The following PDE3B variants were observed in gnomAD, a reference collection of about 807,000 sequenced individuals.
PDE3B encodes cGMP-inhibited 3',5'-cyclic phosphodiesterase 3B.
Under a neutral mutation model 116.8 loss-of-function variants are expected in PDE3B, and 66 were observed. The ratio of observed to expected loss-of-function variants is 0.56; its 90% CI spans 0.46 to 0.69. PDE3B has a LOEUF of 0.69. Among genes scored for constraint, PDE3B ranks in the 30% least tolerant of loss-of-function variants. The pLI is 0.00. For synonymous variants in PDE3B, 595 were observed against 533.6 expected, an observed-to-expected ratio of 1.12 and a Z score of -1.59; for missense variants, 1,384 against 1,368.1, an observed-to-expected ratio of 1.01 and a Z score of -0.18.
At chr11:14,803,032 G>A (rs1858819857) in intron 4 of PDE3B, among the ~76,000 whole-genome samples, 1 of 152,116 alleles carries the variant, frequency 6.6e-6, no homozygotes, top group African/African-American at 2.4e-5. Flanking sequence ...CTATAATGAA[G>A]ATCAACAGTA....
intron 1 of PDE3B, among the ~76,000 whole-genome samples, chr11:14,742,945 C>A (rs1458394842): frequency 6.6e-6 from 1 of 152,096 alleles, no homozygotes; most frequent in Non-Finnish European, 1.5e-5. Flanking sequence ...GAAGCTTTGT[C>A]CCAGAGGGGC....
intron 1 of PDE3B, among the ~76,000 whole-genome samples, chr11:14,664,078 A>C (rs968699534): frequency 5.3e-5 from 8 of 152,268 alleles, no homozygotes; most frequent in African/African-American, 1.9e-4. Context: ...CTCAGACCAC[A>C]GTGCAATCAA....
At chr11:14,867,163 A>G (rs1555008181) in intron 14 of PDE3B, among the ~76,000 whole-genome samples, 1 of 152,048 alleles carries the variant, frequency 6.6e-6, no homozygotes. Context: ...AAATGTTTCT[A>G]TTATGCTTTT....
chr11:14,816,178 G>A (rs1022503093), intron 5 of PDE3B, among the ~76,000 whole-genome samples: 3 of 152,186 alleles, frequency 2.0e-5, no homozygotes, highest in Admixed American at 1.3e-4. Flanking sequence ...CTAATTGGAT[G>A]AGGCCCACCC....
chr11:14,734,532 A>G (rs1856546024), intron 1 of PDE3B, among the ~76,000 whole-genome samples: 1 of 152,176 alleles, frequency 6.6e-6, no homozygotes, highest in African/African-American at 2.4e-5. Context: ...TAAAGTTAGC[A>G]CTTCTAAAAC....
At chr11:14,672,032 T>A (rs868389979) in intron 1 of PDE3B, among the ~76,000 whole-genome samples, 2,818 of 142,466 alleles carry the variant, frequency 0.02, 69 homozygotes, top group African/African-American at 0.047. Flanking sequence ...AAAAAAAATA[T>A]ATATATATAT....
At chr11:14,688,137 CT>C (rs1474571416) in intron 1 of PDE3B, among the ~76,000 whole-genome samples, 11 of 135,840 alleles carry the variant, frequency 8.1e-5, no homozygotes, top group South Asian at 2.6e-4. Flanking sequence ...CTCTCTCTCT[CT>C]CTCTCCCTCC....
chr11:14,879,190 T>C, the PDE3B span: 1 of 1,613,352 alleles, frequency 6.2e-7, no homozygotes. Flanking sequence ...GATGGAACAC[T>C]TCTGGGTCTC....
At chr11:14,691,254 A>G (rs977329225) in intron 1 of PDE3B, among the ~76,000 whole-genome samples, 1 of 152,222 alleles carries the variant, frequency 6.6e-6, no homozygotes, top group Non-Finnish European at 1.5e-5. Flanking sequence ...TACAATTTAT[A>G]AAGACTTACA....
intron 1 of PDE3B, among the ~76,000 whole-genome samples, chr11:14,723,281 T>G (rs1292221293): frequency 6.6e-6 from 1 of 152,176 alleles, no homozygotes; most frequent in Non-Finnish European, 1.5e-5. Flanking sequence ...GTGTTAAACA[T>G]CTGAGGGATT....
chr11:14,748,602 T>C (rs929283572), intron 1 of PDE3B, among the ~76,000 whole-genome samples: 1 of 152,202 alleles, frequency 6.6e-6, no homozygotes, highest in Non-Finnish European at 1.5e-5. Context: ...TTATTTAAAT[T>C]CTGACCCAAA....
intron 14 of PDE3B, among the ~76,000 whole-genome samples, chr11:14,863,341 C>T (rs1847984585): frequency 6.6e-6 from 1 of 152,200 alleles, no homozygotes; most frequent in African/African-American, 2.4e-5. Flanking sequence ...TCCACATCCT[C>T]TCCAGCATCT....
the PDE3B span, among the ~76,000 whole-genome samples, chr11:14,889,177 T>TTTC: frequency 6.6e-6 from 1 of 151,950 alleles, no homozygotes; most frequent in African/African-American, 2.4e-5. Context: ...TTTTTTTTTT[T>TTTC]TTCTGTGAGC....
At chr11:14,806,645 G>A (rs1858935073) in intron 5 of PDE3B, among the ~76,000 whole-genome samples, 2 of 151,536 alleles carry the variant, frequency 1.3e-5, no homozygotes, top group African/African-American at 4.8e-5. Flanking sequence ...GGATCACGAG[G>A]TCAGGAGATC....
rs1310023175 is a variant in PDE3B at position 14,786,692 on chromosome 11, A to T, written c.1278+7A>T. 1.2e-6 allele frequency: 2 copies of T among 1,601,920 alleles called. No individual in the cohort carries two copies. The highest frequency in any genetic ancestry group is 1.7e-6 in the Non-Finnish European group (2 of 1,169,280). On this transcript the variant is annotated splice_region_variant and intron_variant, in intron 3 of 15. Transcript: ENST00000282096. ...GGATAGAAAACTTAACAAGGTCGAAATACAGTAATCATCTAACCCTATTTA... is the reference window on the plus strand; with the variant it reads ...GGATAGAAAACTTAACAAGGTCGAATTACAGTAATCATCTAACCCTATTTA...
intron 1 of PDE3B, among the ~76,000 whole-genome samples, chr11:14,661,073 G>A (rs1457553395): frequency 1.3e-5 from 2 of 152,152 alleles, no homozygotes; most frequent in Non-Finnish European, 2.9e-5. Context: ...CTGTTGGTGG[G>A]ACTATAAGTA....
chr11:14,680,198 G>A (rs1854658782), intron 1 of PDE3B, among the ~76,000 whole-genome samples: 1 of 152,210 alleles, frequency 6.6e-6, no homozygotes, highest in South Asian at 2.1e-4. Flanking sequence ...GAGGTCCTAA[G>A]GCCTAGTACT....
the PDE3B span, among the ~76,000 whole-genome samples, chr11:14,889,139 TC>T: frequency 6.7e-6 from 1 of 150,330 alleles, no homozygotes; most frequent in Non-Finnish European, 1.5e-5. Flanking sequence ...GAAGTGACTG[TC>T]CTAAGCAATT....
At chr11:14,878,916 A>G in the PDE3B span, among the ~76,000 whole-genome samples, 2 of 152,236 alleles carry the variant, frequency 1.3e-5, no homozygotes, top group African/African-American at 4.8e-5. Context: ...TCTATAGTTA[A>G]TAAATTAAGG....
Sources: allele counts gnomAD v4.1 joint callset (sites outside exome capture counted in the v4.1 genomes callset), GRCh38; gene constraint gnomAD v4.1.1; transcripts MANE v1.5; gene names NCBI Gene and HGNC (gene_info 2026-07-23, HGNC 2026-07-21).